The following SLC43A2 variants were observed in gnomAD, a reference collection of about 807,000 sequenced individuals.
The protein encoded by SLC43A2 is solute carrier family 43 member 2, also known as large neutral amino acids transporter small subunit 4.
Under a neutral mutation model 63.2 loss-of-function variants are expected in SLC43A2, and 38 were observed. The observed-to-expected ratio is 0.60, with a 90% CI of 0.46 to 0.79. The LOEUF (loss-of-function observed/expected upper bound fraction) is 0.79. SLC43A2 is among the 30% of genes least tolerant of loss of function. The probability of loss-of-function intolerance (pLI) is 0.00; values close to 1 mark genes in which losing one functional copy is unlikely to be tolerated. For missense variants in SLC43A2, 644 were observed against 756.2 expected, an observed-to-expected ratio of 0.85 and a Z score of 1.74; for synonymous variants, 322 against 331.0, an observed-to-expected ratio of 0.97 and a Z score of 0.30.
intron 6 of SLC43A2, among the ~76,000 whole-genome samples, chr17:1,592,026 C>A (rs544190457): frequency 1.3e-5 from 2 of 152,222 alleles, no homozygotes. Flanking sequence ...GCTCCTGGTC[C>A]GTCGGCTTGT....
At chr17:1,604,742 C>A (rs779049759) in intron 5 of SLC43A2, 13 of 1,535,714 alleles carry the variant, frequency 8.5e-6, no homozygotes, top group Non-Finnish European at 1.1e-5. Context: ...GCCCTCACCT[C>A]CTGCTGTTGC....
chr17:1,625,933 G>A (rs1164571695), intron 2 of SLC43A2, among the ~76,000 whole-genome samples: 2 of 151,748 alleles, frequency 1.3e-5, no homozygotes, highest in African/African-American at 2.4e-5. Flanking sequence ...AGCTGAGGTT[G>A]AGGCAGGAAT....
At chr17:1,614,254 C>A (rs36066390) in intron 4 of SLC43A2, among the ~76,000 whole-genome samples, 73,109 of 151,076 alleles carry the variant, frequency 0.48, 19,704 homozygotes, top group Non-Finnish European at 0.63. Flanking sequence ...ACAACAACAA[C>A]AAAAAAATTA....
chr17:1,586,928 T>TGGCGC, intron 9 of SLC43A2: 1 of 1,232,908 alleles, frequency 8.1e-7, no homozygotes, highest in Non-Finnish European at 1.1e-6. Flanking sequence ...TCCCTGACAA[T>TGGCGC]CCCCCCCACC....
intron 2 of SLC43A2, 29 bp downstream of exon 2, chr17:1,627,686 C>CA (rs765519776): frequency 3.1e-5 from 38 of 1,212,136 alleles, no homozygotes; most frequent in Admixed American, 6.7e-5. Context: ...GCTCCAGGAG[C>CA]CCCCCGCAAC....
intron 5 of SLC43A2, among the ~76,000 whole-genome samples, chr17:1,598,119 C>CAAAG (rs56678559): frequency 3.6e-4 from 55 of 151,286 alleles, no homozygotes; most frequent in African/African-American, 1.3e-3. Context: ...ACAGCCGGCG[C>CAAAG]AAAGAAAGAA....
rs1373379589 is a variant in SLC43A2 at position 1,573,036 on chromosome 17, C to A, written c.*2568G>T. ...AAAAAGAAAAAAAAAATTAGCCAGG[C>A]ATGGTGGCACACACTTATAGTCCCA... On this transcript the variant is annotated 3_prime_UTR_variant, in exon 14 of 14. Coordinates refer to ENST00000301335, the MANE Select transcript of SLC43A2 (RefSeq NM_152346.3). The A allele has an allele frequency of 6.6e-6, 1 of 152,030 alleles. No individual in the cohort carries two copies. The highest frequency in any genetic ancestry group is 2.4e-5 in the African/African-American group (1 of 41,384). The allele number at this position is 152,030 out of a possible 1,614,324, so 9.4% of individuals were successfully genotyped here.
chr17:1,619,547 C>T (rs751176364), intron 2 of SLC43A2, among the ~76,000 whole-genome samples: 2 of 152,176 alleles, frequency 1.3e-5, no homozygotes, highest in Admixed American at 6.5e-5. Flanking sequence ...ACATGGCAGA[C>T]GGGGTCCTCG....
chr17:1,626,758 T>C (rs1351267534), intron 2 of SLC43A2, among the ~76,000 whole-genome samples: 1 of 152,214 alleles, frequency 6.6e-6, no homozygotes, highest in Admixed American at 6.5e-5. Flanking sequence ...CTAAGGGCAC[T>C]CTAGCACTGG....
Position 1,593,297 on chromosome 17 carries a change from G to A in SLC43A2, c.502-18C>T, listed in dbSNP as rs1202069285. 5 of 1,611,192 alleles carry A rather than the reference G, an allele frequency of 3.1e-6. No individual in the cohort carries two copies. The highest frequency in any genetic ancestry group is 4.2e-6 in the Non-Finnish European group (5 of 1,178,426). ...TTGGGCAGCTGAGAGATAAGAAGCA[G>A]AGAAACCTCAGTGGGGAGGATGCAC... On this transcript the variant is annotated intron_variant, in intron 5 of 13. Transcript: ENST00000301335. This position sits in a 1 kb window ranked among gnomAD's most constrained non-coding sequence, Gnocchi z 5.3.
intron 6 of SLC43A2, among the ~76,000 whole-genome samples, chr17:1,592,961 C>T (rs9898376): frequency 0.12 from 18,857 of 152,202 alleles, 1,389 homozygotes; most frequent in East Asian, 0.31. Flanking sequence ...CCCCGAAATG[C>T]AAAGGCACCT....
chr17:1,596,246 G>A (rs1905263534), intron 5 of SLC43A2, among the ~76,000 whole-genome samples: 1 of 152,072 alleles, frequency 6.6e-6, no homozygotes, highest in Admixed American at 6.6e-5. Context: ...CTTGAACCGG[G>A]AGATGGAGGT....
In SLC43A2 at chr17:1,575,759, C is replaced by G; in HGVS notation, c.1555G>C (p.Val519Leu). The change falls in exon 14 of 14, where the codon GTG becomes CTG. Residue 519 changes from valine (V) to leucine (L), a missense_variant. This residue lies in a region of SLC43A2 where 105 missense variants were observed against 101.7 expected (regional missense o/e 1.03). Coordinates refer to ENST00000301335, the MANE Select transcript of SLC43A2 (RefSeq NM_152346.3). The part of the protein sequence containing the change: ...PLQGDPLWVN[V>L]GLLLLSLLGF... ...AGCAGGCTGAGAAGGAGCAGCCCCA[C>G]GTTCACCTGGGGAGGCAGGGAGGCC... 3.1e-6 allele frequency: 5 copies of G among 1,610,706 alleles called. No homozygotes were observed. The highest frequency in any genetic ancestry group is 2.2e-5 in the South Asian group (2 of 90,838).
intron 2 of SLC43A2, among the ~76,000 whole-genome samples, chr17:1,625,354 C>T (rs1567652732): frequency 6.6e-6 from 1 of 152,196 alleles, no homozygotes; most frequent in Non-Finnish European, 1.5e-5. Context: ...AACCTTTCAA[C>T]AGGTTCAGGC....
chr17:1,596,177 G>A (rs758618659), intron 5 of SLC43A2, among the ~76,000 whole-genome samples: 26 of 152,164 alleles, frequency 1.7e-4, no homozygotes, highest in East Asian at 5.8e-4. Flanking sequence ...AAAATTAGCC[G>A]GGCGTGGTGG....
In SLC43A2 at chr17:1,616,594, C is replaced by T; in HGVS notation, c.336G>A (p.Lys112=). Residue 112 remains lysine, a synonymous_variant, in exon 3 of 14, where the codon AAG becomes AAA. Transcript: ENST00000301335. ...ITLPLGIVMD[K]YGPRKLRLLG... ...GCAGCCTGAGCTTCCTCGGGCCATA[C>T]TTGTCCATGACGATACCCAGGGGCA... 1 of 1,613,846 alleles carries T rather than the reference C, an allele frequency of 6.2e-7. No homozygotes were observed. The highest frequency in any genetic ancestry group is 8.5e-7 in the Non-Finnish European group (1 of 1,179,870).
Position 1,586,048 on chromosome 17 carries a change from C to T in SLC43A2, c.1082G>A (p.Gly361Asp), listed in dbSNP as rs774712803. Residue 361 changes from glycine (G) to aspartate (D), a missense_variant, in exon 10 of 14, where the codon GGC (glycine) becomes GAC (aspartate). Physicochemically the swap from Gly to Asp is moderately conservative, Grantham distance 94. Transcript: ENST00000301335. ...FLVSGDQKTV[G>D]LYTSIFGVLQ... is the part of the protein sequence containing the mutation. ...CACGCCGAAGATGGAGGTGTAGAGG[C>T]CAACTGTGGAGGAAGGCGCTGCGTC... is the stretch of plus-strand genomic sequence containing the variant. 2.5e-6 allele frequency: 4 copies of T among 1,592,150 alleles called. No homozygotes were observed. The highest frequency in any genetic ancestry group is 1.1e-5 in the South Asian group (1 of 88,480).
intron 4 of SLC43A2, 44 bp from the exon 5 acceptor site, chr17:1,613,315 C>T (rs757757126): frequency 1.1e-5 from 17 of 1,597,426 alleles, no homozygotes; most frequent in Middle Eastern, 3.4e-4. Context: ...CCCAGCTGAG[C>T]TCCAGGGAAG....
At chr17:1,591,726 G>GGT in intron 6 of SLC43A2, 27 bp from the exon 7 acceptor site, 1 of 1,000,374 alleles carries the variant, frequency 1.0e-6, no homozygotes, top group South Asian at 1.4e-5. Flanking sequence ...GGACGGGGTG[G>GGT]GGGGGGGAGG....
Sources: allele counts gnomAD v4.1 joint callset (sites outside exome capture counted in the v4.1 genomes callset), GRCh38; gene constraint gnomAD v4.1.1; regional missense constraint gnomAD v4.1.1; non-coding constraint Gnocchi (gnomAD v3.1); transcripts MANE v1.5; gene names NCBI Gene and HGNC (gene_info 2026-07-23, HGNC 2026-07-21).